The following DOCK4 variants were observed in gnomAD, a reference collection of about 807,000 sequenced individuals.
DOCK4 encodes dedicator of cytokinesis protein 4.
In DOCK4, 97 loss-of-function variants were observed where a neutral mutation model predicts 268.1. The observed-to-expected ratio is 0.36, with a 90% CI of 0.31 to 0.43. DOCK4 has a LOEUF of 0.43. Ranked by LOEUF, DOCK4 falls within the 20% of genes least tolerant of loss-of-function variation. The probability of loss-of-function intolerance (pLI) is 1.00; values close to 1 mark genes in which losing one functional copy is unlikely to be tolerated. For missense variants in DOCK4, 2,145 were observed against 2,455.7 expected (o/e 0.87, Z 2.67); for synonymous variants, 954 against 887.2 (o/e 1.08, Z -1.34).
rs923071347 is a variant in DOCK4, at chr7:111,881,131, G to A, written c.1588-3945C>T. Among the ~76,000 whole-genome samples the A allele has an allele frequency of 1.3e-4, 20 of 152,240 alleles. No homozygotes were observed. The East Asian group carries it at 1.9e-3, about 15-fold the overall frequency. ...CAAAGGAAATAATCACCAAAGTGAA[G>A]AGACAACCCACATAATGGGAGAAAA... On this transcript the variant is annotated intron_variant, in intron 16 of 52. Transcript: ENST00000428084.
At position 111,728,369 on chromosome 7, in the gene DOCK4, G is replaced by C; in HGVS notation, c.5833C>G (p.Leu1945Val). 1 of 1,529,000 alleles carries C rather than the reference G, an allele frequency of 6.5e-7. No individual in the cohort carries two copies. The highest frequency in any genetic ancestry group is 1.3e-5 in the South Asian group (1 of 76,816). The allele number at this position is 1,529,000 out of a possible 1,614,324, so 94.7% of individuals were successfully genotyped here. ...TCCAGGTGGCTGGATCGCGCTGCCA[G>C]AGGCTTGGGGGGCAGCGCGGGCGGC... ...SEPPALPPKPLAARSSHLENG... is the reference protein window; with the variant it reads ...SEPPALPPKPVAARSSHLENG... The change falls in exon 53 of 53, where the codon CTG becomes GTG. Residue 1945 changes from leucine to valine, a missense_variant. This residue lies in a region of DOCK4 where 547 missense variants were observed against 469.0 expected (regional missense o/e 1.17). Coordinates refer to ENST00000428084, the MANE Select transcript of DOCK4 (RefSeq NM_001363540.2).
In DOCK4 at chr7:111,906,951, G is replaced by A. The variant is rs142939931; in HGVS notation, c.1193-5150C>T. Among the ~76,000 whole-genome samples, 710 of 152,302 alleles carry A rather than the reference G, an allele frequency of 4.7e-3. 3 individuals are homozygous for A. The highest frequency in any genetic ancestry group is 0.016 in the African/African-American group (668 of 41,556). ...CAGAACTGTAACACGGTAAATGTAT[G>A]TTGTTTGAAGCCACCTTGTTATAGC... On this transcript the variant is annotated intron_variant, in intron 13 of 52. Transcript: ENST00000428084.
chr7:112,091,026 T>C (rs1254165013), intron 1 of DOCK4, among the ~76,000 whole-genome samples: 1 of 152,056 alleles, frequency 6.6e-6, no homozygotes, highest in Non-Finnish European at 1.5e-5. Flanking sequence ...GAATCATCAG[T>C]GGTGGCACAA....
intron 10 of DOCK4, 141 bp from the exon 11 acceptor site, chr7:111,940,383 T>C: frequency 9.1e-7 from 1 of 1,099,660 alleles, no homozygotes; most frequent in Non-Finnish European, 1.3e-6. Flanking sequence ...TAACAGAAGA[T>C]ATTGCTTCAG....
At chr7:112,000,191 C>T (rs1244107610) in intron 3 of DOCK4, among the ~76,000 whole-genome samples, 1 of 151,982 alleles carries the variant, frequency 6.6e-6, no homozygotes, top group Non-Finnish European at 1.5e-5. Context: ...ATGTATTTCC[C>T]CTGCCTGAAT....
At position 111,847,111 on chromosome 7, in the gene DOCK4, A is replaced by T. The variant is rs1324510193; in HGVS notation, c.2489T>A (p.Leu830His). 1 of 1,613,720 alleles carries T rather than the reference A, an allele frequency of 6.2e-7. No homozygotes were observed. Among genetic ancestry groups the T allele is most frequent in the African/African-American group, 1.3e-5 (1 of 74,940 alleles). Residue 830 changes from leucine to histidine, a missense_variant, in exon 24 of 53, where the codon CTT (leucine) becomes CAT (histidine). This residue lies in a region of DOCK4 where 1,598 missense variants were observed against 1,986.7 expected (regional missense o/e 0.80). Coordinates refer to ENST00000428084, the MANE Select transcript of DOCK4 (RefSeq NM_001363540.2). ...GAGGTGATGTAACACGACAGGCAGA[A>T]GAATGTATCGGGAATCTGAAGAGAG... ...LYTNPDSRYI[L>H]LPVVLHHLHI...
intron 23 of DOCK4, among the ~76,000 whole-genome samples, chr7:111,859,609 C>A (rs1430660420): frequency 6.8e-6 from 1 of 146,398 alleles, no homozygotes; most frequent in Non-Finnish European, 1.5e-5. Context: ...GCTCTGTCGC[C>A]CAGGCTGGAG....
chr7:112,181,150 C>G lies in DOCK4; in HGVS notation c.37+24952G>C, dbSNP rs560586134. On this transcript the variant is annotated intron_variant, in intron 1 of 52. Coordinates refer to ENST00000428084, the MANE Select transcript of DOCK4 (RefSeq NM_001363540.2). ...TCCAATGTTGGCAAGAAAGAGTAAA[C>G]AAGTATGTTGGTGGGAATATAAAAT... Among the ~76,000 whole-genome samples the G allele has an allele frequency of 2.0e-5, 3 of 152,046 alleles. No homozygotes were observed. In the South Asian group the frequency reaches 6.2e-4, roughly 32 times the overall value.
intron 23 of DOCK4, among the ~76,000 whole-genome samples, chr7:111,858,487 C>T (rs1805203525): frequency 1.3e-5 from 2 of 152,172 alleles, no homozygotes; most frequent in Non-Finnish European, 2.9e-5. Context: ...TGGTGAGCCT[C>T]ATCCACTCTG....
chr7:111,758,906 G>A (rs1441435224), intron 40 of DOCK4, 116 bp from the exon 41 acceptor site: 3 of 955,476 alleles, frequency 3.1e-6, no homozygotes, highest in African/African-American at 1.7e-5. Flanking sequence ...TTCCATTTCA[G>A]TTGAAGTCAT....
chr7:112,196,793 G>C (rs1436023583), intron 1 of DOCK4, among the ~76,000 whole-genome samples: 3 of 151,976 alleles, frequency 2.0e-5, no homozygotes, highest in African/African-American at 7.3e-5. Flanking sequence ...AATACAAATT[G>C]TATATATTTA....
chr7:112,200,726 A>AAAAT (rs1450088939), intron 1 of DOCK4, among the ~76,000 whole-genome samples: 2 of 16,322 alleles, frequency 1.2e-4, no homozygotes, highest in Non-Finnish European at 2.9e-4. Flanking sequence ...CCTCTAAAAT[A>AAAAT]AAAAAAAAAA....
At chr7:112,019,922 G>C (rs1236326501) in intron 1 of DOCK4, among the ~76,000 whole-genome samples, 1 of 152,148 alleles carries the variant, frequency 6.6e-6, no homozygotes, top group Non-Finnish European at 1.5e-5. Flanking sequence ...AAGTCAATTT[G>C]TTTGTTTGCT....
chr7:111,900,573 T>A, intron 14 of DOCK4, 37 bp from the exon 15 acceptor site: 1 of 1,583,574 alleles, frequency 6.3e-7, no homozygotes, highest in Non-Finnish European at 8.6e-7. Flanking sequence ...AAAGAGAGCT[T>A]CATCTAAAGA....
chr7:112,182,220 T>C (rs1819115524), intron 1 of DOCK4, among the ~76,000 whole-genome samples: 1 of 152,220 alleles, frequency 6.6e-6, no homozygotes, highest in Non-Finnish European at 1.5e-5. Context: ...GTGCCCGGCA[T>C]GCAGAAGGAG....
At chr7:111,913,754 T>C (rs147364535) in intron 13 of DOCK4, among the ~76,000 whole-genome samples, 19 of 150,920 alleles carry the variant, frequency 1.3e-4, no homozygotes, top group African/African-American at 4.6e-4. Flanking sequence ...TGGTGGTATA[T>C]GCTTGTAGTC....
At chr7:112,015,911 C>G (rs1801770344) in intron 1 of DOCK4, among the ~76,000 whole-genome samples, 1 of 152,182 alleles carries the variant, frequency 6.6e-6, no homozygotes, top group African/African-American at 2.4e-5. Flanking sequence ...CAGCCTGAAG[C>G]CTCTTTGAAT....
intron 1 of DOCK4, among the ~76,000 whole-genome samples, chr7:112,031,028 A>G (rs2135457102): frequency 6.6e-6 from 1 of 152,350 alleles, no homozygotes; most frequent in Middle Eastern, 3.4e-3. Flanking sequence ...CTCTTCATGT[A>G]GTACTGCCAA....
At chr7:112,024,563 G>T (rs1363200328) in intron 1 of DOCK4, among the ~76,000 whole-genome samples, 4 of 152,178 alleles carry the variant, frequency 2.6e-5, no homozygotes, top group Non-Finnish European at 5.9e-5. Flanking sequence ...TACTTGTAAA[G>T]TATATATCTG....
Sources: allele counts gnomAD v4.1 joint callset (sites outside exome capture counted in the v4.1 genomes callset), GRCh38; gene constraint gnomAD v4.1.1; regional missense constraint gnomAD v4.1.1; transcripts MANE v1.5; gene names NCBI Gene and HGNC (gene_info 2026-07-23, HGNC 2026-07-21).